The following REV3L variants were observed in gnomAD, a reference collection of about 807,000 sequenced individuals.
REV3L encodes the protein DNA polymerase zeta catalytic subunit.
REV3L carries 69 observed loss-of-function variants against 299.4 expected under a neutral mutation model. The ratio of observed to expected loss-of-function variants is 0.23; its 90% CI spans 0.19 to 0.28. REV3L has a LOEUF of 0.28. Among genes scored for constraint, REV3L ranks in the 10% least tolerant of loss-of-function variants. The pLI, the probability that REV3L is intolerant of heterozygous loss-of-function variation, is 1.00. For missense variants in REV3L, 3,128 were observed against 3,693.8 expected, an observed-to-expected ratio of 0.85 and a Z score of 3.97; for synonymous variants, 1,238 against 1,271.4, an observed-to-expected ratio of 0.97 and a Z score of 0.56.
At chr6:111,411,401 G>A in intron 3 of REV3L, 79 bp downstream of exon 3, 1 of 870,896 alleles carries the variant, frequency 1.1e-6, no homozygotes, top group Non-Finnish European at 1.8e-6. Flanking sequence ...AACTATAGAG[G>A]CCTTCTTTCT....
rs3218571 is a variant in REV3L, at chr6:111,309,816, C to G, written c.9042+37G>C. The G allele has an allele frequency of 6.9e-6, 11 of 1,591,298 alleles. No homozygotes were observed. In the African/African-American group the frequency reaches 1.3e-4, roughly 19 times the overall value. On this transcript the variant is annotated intron_variant, in intron 30 of 31. Transcript: ENST00000368802. Reference sequence around the variant, plus strand: ...ACTGAAAATTTGGAGTGAAATCTCTCCATAGTTAGAGCACATGTACTATTT... The same window carrying G: ...ACTGAAAATTTGGAGTGAAATCTCTGCATAGTTAGAGCACATGTACTATTT...
intron 3 of REV3L, 49 bp from the exon 4 acceptor site, chr6:111,405,679 G>A (rs756639171): frequency 1.6e-6 from 2 of 1,254,204 alleles, no homozygotes; most frequent in Admixed American, 2.1e-5. Context: ...TCCCTAAAAT[G>A]TTAAATGAAA....
intron 4 of REV3L, among the ~76,000 whole-genome samples, chr6:111,405,141 T>C (rs1026024549): frequency 6.6e-6 from 1 of 152,266 alleles, no homozygotes; most frequent in Non-Finnish European, 1.5e-5. Context: ...ACATATCAAT[T>C]GCTAAGCAGT....
At position 111,311,215 on chromosome 6, in the gene REV3L, T is replaced by C. The variant is rs766090541; in HGVS notation, c.8649A>G (p.Ile2883Met). 6 of 1,612,530 alleles carry C rather than the reference T, an allele frequency of 3.7e-6. No homozygotes were observed. The highest frequency in any genetic ancestry group is 2.2e-5 in the East Asian group (1 of 44,860). ...SLKLLFETRD[I>M]SLIKQYVQRQ... is the part of the protein sequence containing the mutation. ...GCTGAACATACTGTTTAATTAGACT[T>C]ATATCTCTCGTTTCAAATAGCAGCT... The change falls in exon 29 of 32, where the codon ATA becomes ATG. Residue 2883 changes from isoleucine (I) to methionine (M), a missense_variant. By Grantham distance (10) the Ile-to-Met change is conservative. Coordinates refer to ENST00000368802, the MANE Select transcript of REV3L (RefSeq NM_001372078.1).
Position 111,367,471 on chromosome 6 carries a change from T to C in REV3L, c.6317A>G (p.Asp2106Gly), listed in dbSNP as rs1368814966. Residue 2106 changes from aspartate to glycine, a missense_variant, in exon 14 of 32, where the codon GAT (aspartate) becomes GGT (glycine). Physicochemically the swap from Asp to Gly is moderately conservative, Grantham distance 94. Transcript: ENST00000368802. ...GTAATAGTTATCATCATCATCTTCATCTTTTTCGGGATCACTTGCAGAGGC... is the reference window on the plus strand; with the variant it reads ...GTAATAGTTATCATCATCATCTTCACCTTTTTCGGGATCACTTGCAGAGGC... ...PVASASDPEKDEDDDDNYYIS... is the reference protein window; with the variant it reads ...PVASASDPEKGEDDDDNYYIS... The C allele has an allele frequency of 6.2e-7, 1 of 1,609,020 alleles. No individual in the cohort carries two copies. The highest frequency in any genetic ancestry group is 2.2e-5 in the East Asian group (1 of 44,776).
chr6:111,300,735 CTT>C (rs1221734727), intron 31 of REV3L, among the ~76,000 whole-genome samples: 2 of 152,202 alleles, frequency 1.3e-5, no homozygotes, highest in African/African-American at 4.8e-5. Context: ...AATCAATACT[CTT>C]ATAATTTCCT....
intron 1 of REV3L, among the ~76,000 whole-genome samples, chr6:111,478,829 G>T (rs1483061219): frequency 6.6e-6 from 1 of 152,148 alleles, no homozygotes; most frequent in Non-Finnish European, 1.5e-5. Context: ...CACTAAGCTA[G>T]AGGAAGTGGC....
chr6:111,460,947 T>C (rs1279185024), intron 1 of REV3L, among the ~76,000 whole-genome samples: 2 of 152,122 alleles, frequency 1.3e-5, no homozygotes, highest in African/African-American at 4.8e-5. Flanking sequence ...GTGGTGAAGC[T>C]GGTGTAAAGA....
At chr6:111,435,115 G>C (rs191931883) in intron 1 of REV3L, among the ~76,000 whole-genome samples, 3 of 152,302 alleles carry the variant, frequency 2.0e-5, no homozygotes, top group Non-Finnish European at 4.4e-5. Flanking sequence ...TGAAAGGTGG[G>C]AGGATTGCCT....
intron 1 of REV3L, chr6:111,431,212 C>T (rs1786883712): frequency 3.2e-6 from 5 of 1,565,238 alleles, no homozygotes; most frequent in Non-Finnish European, 8.8e-7. Flanking sequence ...AGATAGTTTA[C>T]TGGATGTTTT....
rs1379175367 is a variant in REV3L, at chr6:111,374,781, T to C, written c.3574A>G (p.Asn1192Asp). 2 of 1,612,266 alleles carry C rather than the reference T, an allele frequency of 1.2e-6. No individual in the cohort carries two copies. The highest frequency in any genetic ancestry group is 3.4e-5 in the Admixed American group (2 of 59,624). The change falls in exon 13 of 32, where the codon AAC becomes GAC. Residue 1192 changes from asparagine (N) to aspartate (D), a missense_variant. Asn to Asp is a conservative substitution (Grantham distance 23, BLOSUM62 1). This residue lies in a region of REV3L where 2,409 missense variants were observed against 2,611.8 expected (regional missense o/e 0.92). Coordinates refer to ENST00000368802, the MANE Select transcript of REV3L (RefSeq NM_001372078.1). ...ANPSIVTKKR[N>D]KRNQTNKLVD... ...AGTTTATTTGTCTGATTTCGTTTGTTCCTTTTCTTAGTAACTATAGAGGGA... is the reference window on the plus strand; with the variant it reads ...AGTTTATTTGTCTGATTTCGTTTGTCCCTTTTCTTAGTAACTATAGAGGGA...
chr6:111,380,292 C>A (rs919131368), intron 10 of REV3L, 73 bp from the exon 11 acceptor site: 7 of 1,121,786 alleles, frequency 6.2e-6, no homozygotes, highest in Admixed American at 4.0e-5. Flanking sequence ...CTTGCTCTCT[C>A]ACCCAGGCTG....
rs1040917326 is a variant in REV3L, at chr6:111,397,039, G to A, written c.566-4067C>T. 3.3e-4 allele frequency among the ~76,000 whole-genome samples: 49 copies of A among 149,646 alleles called. 1 individual carries two copies. Among genetic ancestry groups the A allele is most frequent in the East Asian group, 1.9e-4 (1 of 5,166 alleles). On this transcript the variant is annotated intron_variant, in intron 4 of 31. Coordinates refer to ENST00000368802, the MANE Select transcript of REV3L (RefSeq NM_001372078.1). ...TTTTTTCTTGGTTAGTCTAGCTAGC[G>A]ATTTATTGATCTTTTCAAAGCACCA... is the stretch of plus-strand genomic sequence containing the variant.
Position 111,331,645 on chromosome 6 carries a change from TTGTTA to T in REV3L, c.8034+26_8034+30del, listed in dbSNP as rs757832602. ...CAGCTCTCCAAAAGTTAAGCCATAG[TTGTTA>T]TCTTTCATTTACAAGAGAGTATTAC... On this transcript the variant is annotated intron_variant, in intron 24 of 31. Coordinates refer to ENST00000368802, the MANE Select transcript of REV3L (RefSeq NM_001372078.1). 1.6e-5 allele frequency: 23 copies of T among 1,460,976 alleles called. No homozygotes were observed. In the African/African-American group the frequency reaches 2.9e-4, roughly 19 times the overall value. The allele number at this position is 1,460,976 out of a possible 1,614,324, so 90.5% of individuals were successfully genotyped here.
At chr6:111,324,890 C>T (rs1260272144) in intron 25 of REV3L, among the ~76,000 whole-genome samples, 2 of 149,226 alleles carry the variant, frequency 1.3e-5, no homozygotes, top group Non-Finnish European at 3.0e-5. Flanking sequence ...GAGATGGAGT[C>T]TCACTCTGTC....
In REV3L at chr6:111,376,702, G is replaced by T; in HGVS notation, c.1653C>A (p.Ser551Arg). ...SRTHSSVIATSKLSVKPSIFH... is the reference protein window; with the variant it reads ...SRTHSSVIATRKLSVKPSIFH... ...AGATGGAGGGTTTAACTGAAAGCTT[G>T]CTTGTTGCAATTACAGAAGAGTGGG... The change falls in exon 13 of 32, where the codon AGC becomes AGA. Residue 551 changes from serine to arginine, a missense_variant. Ser to Arg is a moderately radical substitution (Grantham distance 110). Coordinates refer to ENST00000368802, the MANE Select transcript of REV3L (RefSeq NM_001372078.1). 6.2e-7 allele frequency: 1 copy of T among 1,604,782 alleles called. No individual in the cohort carries two copies. The highest frequency in any genetic ancestry group is 8.5e-7 in the Non-Finnish European group (1 of 1,179,106).
chr6:111,444,584 G>A (rs1303595782), intron 1 of REV3L, among the ~76,000 whole-genome samples: 1 of 152,050 alleles, frequency 6.6e-6, no homozygotes, highest in East Asian at 1.9e-4. Flanking sequence ...CATTTCCACA[G>A]AAAAGGAAGA....
At chr6:111,334,212 A>C (rs2114846521) in intron 22 of REV3L, among the ~76,000 whole-genome samples, 1 of 152,358 alleles carries the variant, frequency 6.6e-6, no homozygotes, top group South Asian at 2.1e-4. Context: ...TGCTGGGATT[A>C]CAGGTGTGAG....
intron 29 of REV3L, 161 bp downstream of exon 29, chr6:111,310,908 C>T (rs576424864): frequency 8.7e-5 from 41 of 473,678 alleles, no homozygotes; most frequent in African/African-American, 6.1e-4. Flanking sequence ...TCACATCTTA[C>T]GAAGTATGAG....
Sources: gnomAD v4.1 joint callset for allele counts (sites outside exome capture counted in the v4.1 genomes callset) on GRCh38, gnomAD v4.1.1 for gene constraint, gnomAD v4.1.1 regional missense constraint, MANE v1.5 for transcripts, NCBI Gene and HGNC (gene_info 2026-07-23, HGNC 2026-07-21) for gene names.